Variants in LINGO2 observed in about 807,000 individuals in gnomAD.
LINGO2 encodes leucine-rich repeat and immunoglobulin-like domain-containing nogo receptor-interacting protein 2.
In LINGO2, 14 loss-of-function variants were observed where a neutral mutation model predicts 30.6. That is an observed-to-expected ratio of 0.46 (90% CI 0.30 to 0.72). The LOEUF is 0.72. LINGO2 is among the 30% of genes least tolerant of loss of function. The pLI is 0.07. For synonymous variants in LINGO2, 317 were observed against 288.5 expected, an observed-to-expected ratio of 1.10 and a Z score of -1.00; for missense variants, 729 against 751.7, an observed-to-expected ratio of 0.97 and a Z score of 0.35.
intron 3 of LINGO2, among the ~76,000 whole-genome samples, chr9:28,357,048 T>C (rs1330412800): frequency 1.3e-5 from 2 of 152,122 alleles, no homozygotes; most frequent in East Asian, 3.9e-4. Context: ...AATGTGGCAA[T>C]AATGCATTCA....
At chr9:28,418,012 A>G (rs558664535) in intron 2 of LINGO2, among the ~76,000 whole-genome samples, 1 of 152,294 alleles carries the variant, frequency 6.6e-6, no homozygotes, top group Non-Finnish European at 1.5e-5. Context: ...TTGAAGCACT[A>G]AAAACTAAAT....
chr9:28,656,357 T>C (rs1828337348), intron 1 of LINGO2, among the ~76,000 whole-genome samples: 1 of 151,936 alleles, frequency 6.6e-6, no homozygotes, highest in East Asian at 1.9e-4. Flanking sequence ...AAAAAGATAA[T>C]AAGTATACAA....
chr9:28,406,085 T>G (rs996343918), intron 2 of LINGO2, among the ~76,000 whole-genome samples: 1 of 152,166 alleles, frequency 6.6e-6, no homozygotes, highest in African/African-American at 2.4e-5. Context: ...TTTTCAAAAT[T>G]CCCTTGACAT....
At chr9:28,152,064 G>T (rs1828015318) in intron 4 of LINGO2, among the ~76,000 whole-genome samples, 2 of 152,114 alleles carry the variant, frequency 1.3e-5, no homozygotes, top group African/African-American at 4.8e-5. Context: ...TATAGAACTG[G>T]CAAAAGAATA....
chr9:28,283,667 A>G (rs1823405737), intron 4 of LINGO2, among the ~76,000 whole-genome samples: 1 of 152,164 alleles, frequency 6.6e-6, no homozygotes, highest in South Asian at 2.1e-4. Flanking sequence ...TTAGTAAATT[A>G]CATTCCTTTC....
intron 1 of LINGO2, among the ~76,000 whole-genome samples, chr9:28,537,479 T>C (rs1285661249): frequency 6.6e-6 from 1 of 152,078 alleles, no homozygotes; most frequent in Non-Finnish European, 1.5e-5. Context: ...GGACTTTGAC[T>C]GTGGTAAACA....
intron 3 of LINGO2, among the ~76,000 whole-genome samples, chr9:28,331,398 T>C (rs1825413374): frequency 6.6e-6 from 1 of 152,164 alleles, no homozygotes; most frequent in South Asian, 2.1e-4. Flanking sequence ...TCTGTTCTAA[T>C]CACTTCTAGA....
At chr9:28,076,082 A>C (rs549473796) in intron 4 of LINGO2, among the ~76,000 whole-genome samples, 140 of 152,182 alleles carry the variant, frequency 9.2e-4, no homozygotes, top group African/African-American at 3.1e-3. Flanking sequence ...CTATTCCTGC[A>C]GCAGGATATC....
chr9:28,020,987 G>A (rs1480058975), intron 4 of LINGO2, among the ~76,000 whole-genome samples: 1 of 151,946 alleles, frequency 6.6e-6, no homozygotes, highest in East Asian at 1.9e-4. Context: ...CAAAGAACCA[G>A]CTTTTGGTTT....
the LINGO2 span, among the ~76,000 whole-genome samples, chr9:29,110,442 C>T: frequency 1.3e-5 from 2 of 151,686 alleles, no homozygotes; most frequent in Admixed American, 6.6e-5. Flanking sequence ...ACGCCATTCT[C>T]CTGCCTCAGC....
chr9:29,179,244 A>C, the LINGO2 span, among the ~76,000 whole-genome samples: 1 of 144,004 alleles, frequency 6.9e-6, no homozygotes, highest in Non-Finnish European at 1.5e-5. Context: ...CATGGCCTTT[A>C]AGCAAAACAG....
At chr9:28,077,860 G>A (rs1825670409) in intron 4 of LINGO2, among the ~76,000 whole-genome samples, 1 of 148,814 alleles carries the variant, frequency 6.7e-6, no homozygotes, top group African/African-American at 2.6e-5. Flanking sequence ...ATAACCTCAT[G>A]CTCAATTTTC....
chr9:28,049,778 G>A (rs751460271), intron 4 of LINGO2, among the ~76,000 whole-genome samples: 1 of 149,524 alleles, frequency 6.7e-6, no homozygotes, highest in Non-Finnish European at 1.5e-5. Context: ...GGTGGGATGA[G>A]GTAGGAGGTA....
chr9:28,149,059 A>G (rs752594843), intron 4 of LINGO2: 60 of 1,534,468 alleles, frequency 3.9e-5, no homozygotes, highest in Non-Finnish European at 4.8e-5. Context: ...TTCCATGTCT[A>G]TCTCCTGAGG....
At chr9:28,884,697 GTA>G in the LINGO2 span, among the ~76,000 whole-genome samples, 1,055 of 138,028 alleles carry the variant, frequency 7.6e-3, 10 homozygotes, top group African/African-American at 0.026. Context: ...GTATGTATGT[GTA>G]TATATATATA....
At chr9:28,215,068 T>G (rs535629045) in intron 4 of LINGO2, among the ~76,000 whole-genome samples, 6 of 151,796 alleles carry the variant, frequency 4.0e-5, no homozygotes, top group Non-Finnish European at 8.9e-5. Flanking sequence ...CATGGTTTAT[T>G]GGCCATAAAC....
At chr9:29,160,375 C>T in the LINGO2 span, among the ~76,000 whole-genome samples, 2 of 152,202 alleles carry the variant, frequency 1.3e-5, no homozygotes, top group Admixed American at 1.3e-4. Context: ...AGTTATTTAA[C>T]ACTTCTTTTT....
At chr9:28,456,361 C>G (rs1824846475) in intron 2 of LINGO2, among the ~76,000 whole-genome samples, 1 of 152,200 alleles carries the variant, frequency 6.6e-6, no homozygotes, top group Non-Finnish European at 1.5e-5. Flanking sequence ...GACTCATTTA[C>G]AGCCTCCCAA....
At chr9:29,212,457 C>T in the LINGO2 span, among the ~76,000 whole-genome samples, 1 of 151,944 alleles carries the variant, frequency 6.6e-6, no homozygotes, top group African/African-American at 2.4e-5. Context: ...TTCGCGCGCC[C>T]CCGAGTCCGC....
Sources: gnomAD v4.1 joint callset for allele counts (sites outside exome capture counted in the v4.1 genomes callset) on GRCh38, gnomAD v4.1.1 for gene constraint, MANE v1.5 for transcripts, NCBI Gene and HGNC (gene_info 2026-07-23, HGNC 2026-07-21) for gene names.